Variants in UNC13C observed in about 807,000 individuals in gnomAD.
UNC13C encodes unc-13 homolog C.
Under a neutral mutation model 245.4 loss-of-function variants are expected in UNC13C, and 174 were observed. The observed-to-expected ratio is 0.71, with a 90% CI of 0.63 to 0.80. UNC13C has a LOEUF of 0.80. UNC13C is among the 30% of genes least tolerant of loss of function. The pLI is 0.00. For missense variants in UNC13C, 2,829 were observed against 2,602.9 expected, an observed-to-expected ratio of 1.09 and a Z score of -1.89; for synonymous variants, 992 against 895.1, an observed-to-expected ratio of 1.11 and a Z score of -1.93.
At chr15:54,347,769 T>G (rs2038890971) in intron 17 of UNC13C, among the ~76,000 whole-genome samples, 1 of 152,170 alleles carries the variant, frequency 6.6e-6, no homozygotes, top group Non-Finnish European at 1.5e-5. Flanking sequence ...TTTGGATACA[T>G]ACACACACAC....
chr15:54,176,244 A>C (rs1296254203), intron 4 of UNC13C, among the ~76,000 whole-genome samples: 2 of 152,148 alleles, frequency 1.3e-5, no homozygotes, highest in Non-Finnish European at 2.9e-5. Flanking sequence ...GTGTATAAGA[A>C]AGTGTCTCCC....
chr15:53,880,339 A>G, the UNC13C span, among the ~76,000 whole-genome samples: 94 of 152,354 alleles, frequency 6.2e-4, no homozygotes, highest in African/African-American at 2.2e-3. Flanking sequence ...TTCACACAGA[A>G]TAAACTGTAA....
the UNC13C span, among the ~76,000 whole-genome samples, chr15:53,932,673 A>G: frequency 2.0e-5 from 3 of 151,754 alleles, no homozygotes; most frequent in Admixed American, 6.6e-5. Context: ...TTTTCTTCCT[A>G]TTCCTTTCCT....
intron 20 of UNC13C, among the ~76,000 whole-genome samples, chr15:54,495,562 A>T (rs1368360044): frequency 6.6e-6 from 1 of 152,030 alleles, no homozygotes; most frequent in African/African-American, 2.4e-5. Context: ...AAAAGCATTA[A>T]GATGAAAATG....
intron 17 of UNC13C, among the ~76,000 whole-genome samples, chr15:54,370,447 A>C (rs1452787822): frequency 2.6e-5 from 4 of 152,140 alleles, no homozygotes; most frequent in African/African-American, 7.2e-5. Context: ...GCCTAGGGAA[A>C]ACCAAGACTT....
intron 1 of UNC13C, among the ~76,000 whole-genome samples, chr15:53,987,853 C>T (rs191186018): frequency 2.6e-5 from 4 of 152,042 alleles, no homozygotes; most frequent in Non-Finnish European, 5.9e-5. Flanking sequence ...TTTCCTGTCT[C>T]AAGTTGCTGC....
chr15:54,088,137 A>C (rs1057043389), intron 2 of UNC13C, among the ~76,000 whole-genome samples: 13 of 151,380 alleles, frequency 8.6e-5, no homozygotes, highest in Admixed American at 7.2e-4. Flanking sequence ...GTATCAACTG[A>C]ATAGTCCCTC....
intron 2 of UNC13C, among the ~76,000 whole-genome samples, chr15:54,099,215 A>C (rs1900037862): frequency 6.6e-6 from 1 of 152,214 alleles, no homozygotes; most frequent in South Asian, 2.1e-4. Flanking sequence ...TAAGAGTGAC[A>C]GAGCTTTCCA....
chr15:54,009,666 C>T (rs766128909), intron 1 of UNC13C, among the ~76,000 whole-genome samples: 2 of 152,010 alleles, frequency 1.3e-5, no homozygotes, highest in Non-Finnish European at 2.9e-5. Flanking sequence ...CCTGCCTCAG[C>T]CTCCTGCGTA....
intron 1 of UNC13C, among the ~76,000 whole-genome samples, chr15:53,979,329 G>GTCATA (rs1893830229): frequency 8.0e-6 from 1 of 125,038 alleles, no homozygotes; most frequent in Non-Finnish European, 1.8e-5. Flanking sequence ...AAGCCAAGAT[G>GTCATA]TCATACACTA....
intron 13 of UNC13C, among the ~76,000 whole-genome samples, chr15:54,306,512 C>G (rs1314652275): frequency 2.0e-5 from 3 of 151,918 alleles, no homozygotes; most frequent in Non-Finnish European, 4.4e-5. Flanking sequence ...TGCTTTTCAT[C>G]TATATATGCA....
intron 19 of UNC13C, among the ~76,000 whole-genome samples, chr15:54,426,365 A>G (rs1198613588): frequency 6.7e-6 from 1 of 149,130 alleles, no homozygotes; most frequent in African/African-American, 2.5e-5. Context: ...AAAAGTTATC[A>G]CATGGATGGC....
intron 28 of UNC13C, among the ~76,000 whole-genome samples, chr15:54,554,034 T>C (rs933951460): frequency 6.6e-6 from 1 of 152,040 alleles, no homozygotes; most frequent in African/African-American, 2.4e-5. Flanking sequence ...TTCAGTAAGA[T>C]GTATAAATAT....
At chr15:54,024,603 A>C (rs1486196030) in intron 2 of UNC13C, among the ~76,000 whole-genome samples, 4 of 152,140 alleles carry the variant, frequency 2.6e-5, no homozygotes, top group Non-Finnish European at 5.9e-5. Flanking sequence ...ATTTCAGCCT[A>C]TTGTATGCTT....
the UNC13C span, among the ~76,000 whole-genome samples, chr15:53,906,485 T>C: frequency 6.6e-6 from 1 of 152,342 alleles, no homozygotes; most frequent in African/African-American, 2.4e-5. Context: ...GGAATCTGTC[T>C]AGCAACTATT....
At chr15:54,167,622 AAAG>A (rs1370982462) in intron 4 of UNC13C, among the ~76,000 whole-genome samples, 2 of 149,402 alleles carry the variant, frequency 1.3e-5, no homozygotes, top group Admixed American at 6.6e-5. Context: ...AAAAAAAAAA[AAAG>A]AAACAAAACC....
At chr15:53,969,831 A>C in the UNC13C span, among the ~76,000 whole-genome samples, 1 of 152,122 alleles carries the variant, frequency 6.6e-6, no homozygotes, top group Non-Finnish European at 1.5e-5. Context: ...TTCATTTTTT[A>C]AAACTGAAAT....
intron 10 of UNC13C, 61 bp downstream of exon 10, chr15:54,265,557 G>T (rs2036531850): frequency 8.2e-7 from 1 of 1,214,216 alleles, no homozygotes; most frequent in South Asian, 2.4e-5. Context: ...ATTTAAGACA[G>T]GCATACAAAG....
At chr15:54,358,460 T>A (rs1417900527) in intron 17 of UNC13C, among the ~76,000 whole-genome samples, 1 of 152,120 alleles carries the variant, frequency 6.6e-6, no homozygotes, top group Non-Finnish European at 1.5e-5. Context: ...AGACACAAAA[T>A]GTCATTCCAA....
Sources: allele counts gnomAD v4.1 joint callset (sites outside exome capture counted in the v4.1 genomes callset), GRCh38; gene constraint gnomAD v4.1.1; transcripts MANE v1.5; gene names NCBI Gene and HGNC (gene_info 2026-07-23, HGNC 2026-07-21).